Variants in ARF3 observed in about 807,000 individuals in gnomAD.
ARF3 encodes ADP-ribosylation factor 3.
A neutral mutation model predicts 19.3 loss-of-function variants in ARF3; 5 were observed. The observed-to-expected ratio is 0.26, with a 90% CI of 0.14 to 0.54. The LOEUF is 0.54. ARF3 is among the 20% of genes least tolerant of loss of function. The pLI, the probability that ARF3 is intolerant of heterozygous loss-of-function variation, is 0.95. For missense variants in ARF3, 77 were observed against 234.2 expected (o/e 0.33, Z 4.38); for synonymous variants, 71 against 89.2 (o/e 0.80, Z 1.15).
rs1170671919 is a variant in ARF3, at chr12:48,936,523, C to A, written c.*2424G>T. ...GTGAATGGGAATGTAGAAAGGACCA[C>A]CCCTGCCAAGGGCTTAGCAGCCAGG... On this transcript the variant is annotated 3_prime_UTR_variant, in exon 5 of 5. Transcript: ENST00000256682. 1.3e-5 allele frequency: 2 copies of A among 152,712 alleles called. No homozygotes were observed. Among genetic ancestry groups the A allele is most frequent in the Admixed American group, 1.3e-4 (2 of 15,280 alleles). 9.5% of individuals were successfully genotyped at this position (152,712 alleles called of 1,614,324 possible).
At chr12:48,944,968 G>T (rs1401375184) in intron 1 of ARF3, among the ~76,000 whole-genome samples, 1 of 150,220 alleles carries the variant, frequency 6.7e-6, no homozygotes, top group African/African-American at 2.4e-5. Flanking sequence ...TGGCCAACAT[G>T]GTGAAGCCCC....
chr12:48,956,790 A>G (rs562964694), intron 1 of ARF3, among the ~76,000 whole-genome samples: 4 of 152,268 alleles, frequency 2.6e-5, no homozygotes, highest in African/African-American at 9.6e-5. Context: ...GTGCCCCAGC[A>G]GCCTGCCCTG....
rs1940209090 is a variant in ARF3, at chr12:48,939,262, A to G, written c.385-154T>C. 6.6e-6 allele frequency among the ~76,000 whole-genome samples: 1 copy of G among 152,204 alleles called. No individual in the cohort carries two copies. The highest frequency in any genetic ancestry group is 1.5e-5 in the Non-Finnish European group (1 of 68,036). On this transcript the variant is annotated intron_variant, in intron 4 of 4. Transcript: ENST00000256682. The surrounding 1 kb of genome is among the most constrained non-coding windows in gnomAD (Gnocchi z 4.8). ...GATCCTAAGGAGCTACTTTGGATTT[A>G]GTCACCTAGAACTCAAGATCCAAAG...
At chr12:48,951,056 G>T (rs1023462020) in intron 1 of ARF3, among the ~76,000 whole-genome samples, 1 of 152,084 alleles carries the variant, frequency 6.6e-6, no homozygotes, top group Admixed American at 6.5e-5. Flanking sequence ...CAAAGTGCTG[G>T]GATTACAGGC....
intron 1 of ARF3, 107 bp from the exon 2 acceptor site, chr12:48,941,295 G>A (rs990505802): frequency 3.5e-6 from 2 of 575,236 alleles, no homozygotes; most frequent in Non-Finnish European, 5.9e-6. Flanking sequence ...CAAACGGAGA[G>A]CCTGAGGGGA....
At chr12:48,947,455 T>C (rs561265122) in intron 1 of ARF3, among the ~76,000 whole-genome samples, 19 of 152,210 alleles carry the variant, frequency 1.2e-4, no homozygotes, top group South Asian at 2.1e-4. Context: ...TACAGGCGCA[T>C]GCCACCACAC....
intron 1 of ARF3, among the ~76,000 whole-genome samples, chr12:48,948,579 G>A (rs1014100578): frequency 7.9e-5 from 12 of 152,044 alleles, no homozygotes; most frequent in African/African-American, 2.4e-4. Context: ...TTGGGAGGCC[G>A]AGGTGGGCGG....
chr12:48,940,110 T>C lies in ARF3; in HGVS notation c.149-3A>G. 1.3e-6 allele frequency: 2 copies of C among 1,594,162 alleles called. No homozygotes were observed. The highest frequency in any genetic ancestry group is 1.7e-6 in the Non-Finnish European group (2 of 1,169,802). On this transcript the variant is annotated splice_region_variant and splice_polypyrimidine_tract_variant and intron_variant, in intron 2 of 4. Coordinates refer to ENST00000256682, the MANE Select transcript of ARF3 (RefSeq NM_001659.3). ...CTCCACTGTCTCCACATTGAACCCT[T>C]TGGAAAAAAAACAGGCAATGGCCAC...
chr12:48,951,586 A>T, intron 1 of ARF3, among the ~76,000 whole-genome samples: 1 of 140,800 alleles, frequency 7.1e-6, no homozygotes, highest in East Asian at 2.2e-4. Context: ...ATAAATAAAT[A>T]AATAATAAAT....
intron 1 of ARF3, among the ~76,000 whole-genome samples, chr12:48,944,268 T>C (rs1948910206): frequency 6.6e-6 from 1 of 152,240 alleles, no homozygotes; most frequent in Non-Finnish European, 1.5e-5. Flanking sequence ...TAGTGGTGGC[T>C]GAAAAAGATA....
Position 48,939,794 on chromosome 12 carries a change from C to A in ARF3, c.260-15G>T. 1 of 1,613,902 alleles carries A rather than the reference C, an allele frequency of 6.2e-7. No individual in the cohort carries two copies. Among genetic ancestry groups the A allele is most frequent in the African/African-American group, 1.3e-5 (1 of 75,036 alleles). On this transcript the variant is annotated splice_polypyrimidine_tract_variant and intron_variant, in intron 3 of 4. Coordinates refer to ENST00000256682, the MANE Select transcript of ARF3 (RefSeq NM_001659.3). The surrounding 1 kb of genome is among the most constrained non-coding windows in gnomAD (Gnocchi z 4.8). ...AAATATCAACCCTAGGAAGGCAGAG[C>A]ATGGGCTGCACTAAGATGACAGGTA...
chr12:48,945,438 G>T (rs573846767), intron 1 of ARF3, among the ~76,000 whole-genome samples: 1 of 152,150 alleles, frequency 6.6e-6, no homozygotes, highest in Admixed American at 6.5e-5. Flanking sequence ...AAATTAGCCG[G>T]GTGTGGTGGC....
At chr12:48,950,671 A>G (rs76074252) in intron 1 of ARF3, among the ~76,000 whole-genome samples, 19,718 of 151,954 alleles carry the variant, frequency 0.13, 1,902 homozygotes, top group African/African-American at 0.27. Flanking sequence ...GAGGATCCCC[A>G]ATCCCCCTGT....
chr12:48,940,117 A>G lies in ARF3; in HGVS notation c.149-10T>C. 1 of 1,612,542 alleles carries G rather than the reference A, an allele frequency of 6.2e-7. No individual in the cohort carries two copies. The highest frequency in any genetic ancestry group is 8.5e-7 in the Non-Finnish European group (1 of 1,178,738). On this transcript the variant is annotated splice_polypyrimidine_tract_variant and intron_variant, in intron 2 of 4. Transcript: ENST00000256682. ...GTCTCCACATTGAACCCTTTGGAAA[A>G]AAAACAGGCAATGGCCACTTGGCCT...
At position 48,936,678 on chromosome 12, in the gene ARF3, G is replaced by A. The variant is rs1346920158; in HGVS notation, c.*2269C>T. On this transcript the variant is annotated 3_prime_UTR_variant, in exon 5 of 5. Transcript: ENST00000256682. ...AAAAACAAGGTGAGGGGTGAGGCCTGAAGTGAGGAAAACCTATTTAGGACT... is the reference window on the plus strand; with the variant it reads ...AAAAACAAGGTGAGGGGTGAGGCCTAAAGTGAGGAAAACCTATTTAGGACT... The A allele has an allele frequency of 6.6e-6, 1 of 152,456 alleles. No individual in the cohort carries two copies. Among genetic ancestry groups the A allele is most frequent in the Non-Finnish European group, 1.5e-5 (1 of 68,082 alleles). 9.4% of individuals were successfully genotyped at this position (152,456 alleles called of 1,614,324 possible). A position where few individuals can be genotyped will look rare whatever the true frequency, so the allele number is the denominator to read the frequency against.
At position 48,956,674 on chromosome 12, in the gene ARF3, TC is replaced by T. The variant is rs67297674; in HGVS notation, c.-94+635del. The T allele has an allele frequency of 3.3e-5, 5 of 152,172 alleles. 1 individual carries two copies. The allele number at this position is 152,172 out of a possible 1,614,324, so 9.4% of individuals were successfully genotyped here. A position where few individuals can be genotyped will look rare whatever the true frequency, so the allele number is the denominator to read the frequency against. ...TCCCAGGAAGATCAGATCCCCCTCCTCCTTCTCCTGCCTCCTCTCCACCCTC... is the reference window on the plus strand; with the variant it reads ...TCCCAGGAAGATCAGATCCCCCTCCTCTTCTCCTGCCTCCTCTCCACCCTC... On this transcript the variant is annotated intron_variant, in intron 1 of 4. Coordinates refer to ENST00000256682, the MANE Select transcript of ARF3 (RefSeq NM_001659.3).
chr12:48,938,446 A>T lies in ARF3; in HGVS notation c.*501T>A. ...CCCCTCCCCGCTCCCCCCGGCCCCCACAAATATATCTCTCTATACATGTAT... is the reference window on the plus strand; with the variant it reads ...CCCCTCCCCGCTCCCCCCGGCCCCCTCAAATATATCTCTCTATACATGTAT... On this transcript the variant is annotated 3_prime_UTR_variant, in exon 5 of 5. Coordinates refer to ENST00000256682, the MANE Select transcript of ARF3 (RefSeq NM_001659.3). 3.2e-6 allele frequency: 1 copy of T among 312,596 alleles called. No individual in the cohort carries two copies. Among genetic ancestry groups the T allele is most frequent in the Non-Finnish European group, 6.3e-6 (1 of 158,106 alleles). The allele number at this position is 312,596 out of a possible 1,614,324, so 19.4% of individuals were successfully genotyped here.
rs1024103979 is a variant in ARF3, at chr12:48,939,875, T to C, written c.260-96A>G. 1.9e-6 allele frequency: 3 copies of C among 1,594,784 alleles called. No homozygotes were observed. Among genetic ancestry groups the C allele is most frequent in the Non-Finnish European group, 2.6e-6 (3 of 1,164,592 alleles). On this transcript the variant is annotated intron_variant, in intron 3 of 4. Coordinates refer to ENST00000256682, the MANE Select transcript of ARF3 (RefSeq NM_001659.3). The surrounding 1 kb of genome is among the most constrained non-coding windows in gnomAD (Gnocchi z 4.8). ...TGCCTGACACCCTCCAAATATTTGC[T>C]CCCTTTCCTCCCTTTCTTCTGCCCC...
At chr12:48,953,798 C>T (rs4526804) in intron 1 of ARF3, among the ~76,000 whole-genome samples, 49,571 of 152,018 alleles carry the variant, frequency 0.33, 9,121 homozygotes, top group Admixed American at 0.47. Flanking sequence ...TCTGTGGGAC[C>T]CTTTCCAAAC....
Sources: allele counts gnomAD v4.1 joint callset (sites outside exome capture counted in the v4.1 genomes callset), GRCh38; gene constraint gnomAD v4.1.1; non-coding constraint Gnocchi (gnomAD v3.1); transcripts MANE v1.5; gene names NCBI Gene and HGNC (gene_info 2026-07-23, HGNC 2026-07-21).